AKR1C1: variants seen among roughly 807,000 people sequenced by gnomAD.
The protein encoded by AKR1C1 is 20 alpha-hydroxysteroid dehydrogenase.
A neutral mutation model predicts 40.6 loss-of-function variants in AKR1C1; 32 were observed. The ratio of observed to expected loss-of-function variants is 0.79; its 90% CI spans 0.60 to 1.06. The LOEUF (loss-of-function observed/expected upper bound fraction) is 1.06, where lower values mean the gene tolerates loss of function less well. Ranked by LOEUF, AKR1C1 falls within the 50% of genes least tolerant of loss-of-function variation. The pLI is 0.00. For synonymous variants in AKR1C1, 105 were observed against 134.2 expected (o/e 0.78, Z 1.50); for missense variants, 320 against 363.5 (o/e 0.88, Z 0.97).
rs546505610 is a variant in AKR1C1, at chr10:4,968,602, A to C, written c.447+216A>C. 1.3e-4 allele frequency among the ~76,000 whole-genome samples: 20 copies of C among 152,326 alleles called. No individual in the cohort carries two copies. The South Asian group carries it at 2.7e-3, about 21-fold the overall frequency. On this transcript the variant is annotated intron_variant, in intron 4 of 8. Coordinates refer to ENST00000380872, the MANE Select transcript of AKR1C1 (RefSeq NM_001353.6). ...TTGGGGGTAAGGAGGACTGGGATTTATTTCCTTGCCTTTTCACTAATCTCT... is the reference window on the plus strand; with the variant it reads ...TTGGGGGTAAGGAGGACTGGGATTTCTTTCCTTGCCTTTTCACTAATCTCT...
chr10:4,974,216 G>A (rs1213465911), intron 7 of AKR1C1, among the ~76,000 whole-genome samples: 1 of 151,502 alleles, frequency 6.6e-6, no homozygotes, highest in African/African-American at 2.4e-5. Context: ...TTATACATAT[G>A]TGTATGTTCT....
In AKR1C1 at chr10:4,977,898, G is replaced by C; in HGVS notation, c.*156G>C. On this transcript the variant is annotated 3_prime_UTR_variant, in exon 9 of 9. Transcript: ENST00000380872. The stretch of plus-strand genomic sequence containing the variant: ...TACAGCAAAGCCCATTGGCCAGAAA[G>C]GAAAGACAATAATTTTGTTTTTTCA... 1 of 1,132,200 alleles carries C rather than the reference G, an allele frequency of 8.8e-7. No homozygotes were observed. 70.1% of individuals were successfully genotyped at this position (1,132,200 alleles called of 1,614,324 possible). A position where few individuals can be genotyped will look rare whatever the true frequency, so the allele number is the denominator to read the frequency against.
At chr10:4,969,831 A>C in intron 5 of AKR1C1, 1 of 1,306,036 alleles carries the variant, frequency 7.7e-7, no homozygotes, top group Non-Finnish European at 1.1e-6. Context: ...TATGTTTTAA[A>C]ACTTAGAGTC....
In AKR1C1 at chr10:4,967,465, C is replaced by T. The variant is rs1365824132; in HGVS notation, c.369+422C>T. The T allele has an allele frequency of 2.8e-5, 28 of 993,850 alleles. No individual in the cohort carries two copies. In the South Asian group the frequency reaches 7.7e-4, roughly 27 times the overall value. 61.6% of individuals were successfully genotyped at this position (993,850 alleles called of 1,614,324 possible). On this transcript the variant is annotated intron_variant, in intron 3 of 8. Coordinates refer to ENST00000380872, the MANE Select transcript of AKR1C1 (RefSeq NM_001353.6). ...CTTTTTAAGGGGCGAGAACTCAGTC[C>T]GGGAGTGTCTTAAACTACAGACCTT...
In AKR1C1 at chr10:4,981,615, C is replaced by G. The variant is rs1171406539; in HGVS notation, c.*3873C>G. On this transcript the variant is annotated 3_prime_UTR_variant, in exon 9 of 9. Transcript: ENST00000380872. Reference sequence around the variant, plus strand: ...TTTCACATACACTCTGAAGAAGTCTCAGGCACAATCCTACTCCATGAAATA... The same window carrying G: ...TTTCACATACACTCTGAAGAAGTCTGAGGCACAATCCTACTCCATGAAATA... 1 of 152,246 alleles carries G rather than the reference C, an allele frequency of 6.6e-6. No individual in the cohort carries two copies. Among genetic ancestry groups the G allele is most frequent in the Non-Finnish European group, 1.5e-5 (1 of 68,042 alleles). 9.4% of individuals were successfully genotyped at this position (152,246 alleles called of 1,614,324 possible).
chr10:4,963,435 A>G lies in AKR1C1; in HGVS notation c.-10A>G. On this transcript the variant is annotated 5_prime_UTR_variant, in exon 1 of 9. Transcript: ENST00000380872. The stretch of plus-strand genomic sequence containing the variant: ...GAAAGAAACATTTGCCAGCCAGGCT[A>G]GTGACAGAAATGGATTCGAAATATC... 1.2e-6 allele frequency: 2 copies of G among 1,614,028 alleles called. No individual in the cohort carries two copies. The highest frequency in any genetic ancestry group is 1.7e-6 in the Non-Finnish European group (2 of 1,179,892).
rs10795216 is a variant in AKR1C1, at chr10:4,982,548, T to C, written c.*4806T>C. ...CGCTCACAGGGGCTGCAGCCTGCCT[T>C]ATCCAAGGACAGTTAGAGTGCAGAC... On this transcript the variant is annotated 3_prime_UTR_variant, in exon 9 of 9. Transcript: ENST00000380872. The C allele has an allele frequency of 0.63, 101,821 of 160,908 alleles. 33,990 individuals carry two copies. Among genetic ancestry groups the C allele is most frequent in the Non-Finnish European group, 0.75 (55,325 of 74,164 alleles). The allele number at this position is 160,908 out of a possible 1,614,324, so 10.0% of individuals were successfully genotyped here.
At chr10:4,974,331 T>A (rs1554770241) in intron 7 of AKR1C1, among the ~76,000 whole-genome samples, 1 of 151,940 alleles carries the variant, frequency 6.6e-6, no homozygotes, top group Non-Finnish European at 1.5e-5. Flanking sequence ...TGGATATTAA[T>A]TCTTTAGAGA....
intron 7 of AKR1C1, among the ~76,000 whole-genome samples, chr10:4,973,009 A>G (rs1473048038): frequency 6.6e-6 from 1 of 152,298 alleles, no homozygotes; most frequent in Non-Finnish European, 1.5e-5. Flanking sequence ...TGCTGGGGCC[A>G]TGTCCTTTTC....
chr10:4,966,058 G>A lies in AKR1C1; in HGVS notation c.229G>A (p.Glu77Lys). ...GATTGCAGATGGCAGTGTGAAGAGA[G>A]AAGACATATTCTACACTTCAAAGGT... Reference protein sequence around the residue: ...SKIADGSVKREDIFYTSKLWC... With the variant: ...SKIADGSVKRKDIFYTSKLWC... The change falls in exon 2 of 9, where the codon GAA (glutamate) becomes AAA (lysine). Residue 77 changes from glutamate to lysine, a missense_variant. By Grantham distance (56) the Glu-to-Lys change is moderately conservative. Coordinates refer to ENST00000380872, the MANE Select transcript of AKR1C1 (RefSeq NM_001353.6). The A allele has an allele frequency of 6.2e-7, 1 of 1,614,038 alleles. No individual in the cohort carries two copies.
intron 1 of AKR1C1, among the ~76,000 whole-genome samples, chr10:4,964,185 G>A (rs1260803118): frequency 1.3e-5 from 2 of 152,148 alleles, no homozygotes; most frequent in East Asian, 1.9e-4. Context: ...AAAATTAATG[G>A]AATAGATTTT....
rs1836637484 is a variant in AKR1C1 at position 4,982,605 on chromosome 10, A to G, written c.*4863A>G. The G allele has an allele frequency of 9.1e-6, 2 of 219,808 alleles. No homozygotes were observed. Among genetic ancestry groups the G allele is most frequent in the South Asian group, 6.1e-5 (1 of 16,332 alleles). The allele number at this position is 219,808 out of a possible 1,614,324, so 13.6% of individuals were successfully genotyped here. ...AACCCTGGACCCACTGGTGGTACCC[A>G]TCCACCCATCCTGGTAGCTTAACAC... On this transcript the variant is annotated 3_prime_UTR_variant, in exon 9 of 9. Coordinates refer to ENST00000380872, the MANE Select transcript of AKR1C1 (RefSeq NM_001353.6).
intron 5 of AKR1C1, 135 bp downstream of exon 5, chr10:4,969,079 G>A: frequency 6.6e-7 from 1 of 1,517,066 alleles, no homozygotes. Context: ...CTGTCTCGAA[G>A]GGCATAGAGG....
At chr10:4,970,247 C>T (rs987032330) in intron 5 of AKR1C1, among the ~76,000 whole-genome samples, 2 of 152,288 alleles carry the variant, frequency 1.3e-5, no homozygotes, top group East Asian at 1.9e-4. Context: ...ATAGTGCCCT[C>T]ATGTCATTTG....
chr10:4,982,365 C>T lies in AKR1C1; in HGVS notation c.*4623C>T, dbSNP rs1157645126. 1 of 129,000 alleles carries T rather than the reference C, an allele frequency of 7.8e-6. No individual in the cohort carries two copies. The highest frequency in any genetic ancestry group is 1.6e-5 in the Non-Finnish European group (1 of 61,464). 8.0% of individuals were successfully genotyped at this position (129,000 alleles called of 1,614,324 possible). ...TTCTTAGAAGAGCTGCGCCCCACCC[C>T]CCTCCCTGGACAGCCCAGCTACAAT... On this transcript the variant is annotated 3_prime_UTR_variant, in exon 9 of 9. Transcript: ENST00000380872.
In AKR1C1 at chr10:4,982,826, T is replaced by C. The variant is rs116218364; in HGVS notation, c.*5084T>C. 8.8e-3 allele frequency: 3,320 copies of C among 375,922 alleles called. 96 individuals are homozygous for C. The highest frequency in any genetic ancestry group is 0.063 in the African/African-American group (3,013 of 47,654). 23.3% of individuals were successfully genotyped at this position (375,922 alleles called of 1,614,324 possible). A position where few individuals can be genotyped will look rare whatever the true frequency, so the allele number is the denominator to read the frequency against. On this transcript the variant is annotated 3_prime_UTR_variant, in exon 9 of 9. Transcript: ENST00000380872. ...CTCAAGGAAGAATAAATAGAACTGT[T>C]CCCAGGAAGGAGAAAATGCCTGCAT...
chr10:4,971,954 C>T (rs1836436039), intron 5 of AKR1C1, among the ~76,000 whole-genome samples: 1 of 148,992 alleles, frequency 6.7e-6, no homozygotes, highest in Admixed American at 6.7e-5. Context: ...GTGTCTCGTT[C>T]TAGTGGTCGG....
intron 2 of AKR1C1, among the ~76,000 whole-genome samples, chr10:4,966,495 T>A (rs995143381): frequency 1.3e-5 from 2 of 152,236 alleles, no homozygotes; most frequent in African/African-American, 4.8e-5. Flanking sequence ...GAATAACGCC[T>A]ACATTATCTC....
At chr10:4,964,760 C>G (rs1200574044) in intron 1 of AKR1C1, among the ~76,000 whole-genome samples, 1 of 152,042 alleles carries the variant, frequency 6.6e-6, no homozygotes, top group Non-Finnish European at 1.5e-5. Context: ...ATTTCTTATA[C>G]AAATCAATAT....
Sources: gnomAD v4.1 joint callset for allele counts (sites outside exome capture counted in the v4.1 genomes callset) on GRCh38, gnomAD v4.1.1 for gene constraint, MANE v1.5 for transcripts, NCBI Gene and HGNC (gene_info 2026-07-23, HGNC 2026-07-21) for gene names.